The following PLCXD3 variants were observed in gnomAD, a reference collection of about 807,000 sequenced individuals.
The protein encoded by PLCXD3 is PI-PLC X domain-containing protein 3.
A neutral mutation model predicts 25.5 loss-of-function variants in PLCXD3; 19 were observed. The observed-to-expected ratio is 0.75, with a 90% CI of 0.52 to 1.09. The LOEUF is 1.09. Among genes scored for constraint, PLCXD3 ranks in the 50% least tolerant of loss-of-function variants. PLCXD3 has a pLI of 0.00. For synonymous variants in PLCXD3, 174 were observed against 137.6 expected (o/e 1.26, Z -1.85); for missense variants, 411 against 388.1 (o/e 1.06, Z -0.50).
intron 2 of PLCXD3, among the ~76,000 whole-genome samples, chr5:41,354,676 T>G (rs1449262323): frequency 6.6e-6 from 1 of 152,154 alleles, no homozygotes; most frequent in Non-Finnish European, 1.5e-5. Flanking sequence ...CCGTGCTCCT[T>G]TGGGGATGTT....
At chr5:41,410,379 G>T (rs1348889030) in intron 1 of PLCXD3, among the ~76,000 whole-genome samples, 1 of 151,714 alleles carries the variant, frequency 6.6e-6, no homozygotes, top group Non-Finnish European at 1.5e-5. Flanking sequence ...TCCTGACCTC[G>T]TGATCTGCCC....
intron 2 of PLCXD3, among the ~76,000 whole-genome samples, chr5:41,362,040 C>T (rs1196270528): frequency 2.0e-5 from 3 of 152,152 alleles, no homozygotes; most frequent in Non-Finnish European, 4.4e-5. Flanking sequence ...TTGGTTTTTG[C>T]TCTATCCCTG....
Position 41,408,029 on chromosome 5 carries a change from G to T in PLCXD3, c.104-25495C>A, listed in dbSNP as rs989773520. Among the ~76,000 whole-genome samples, 5 of 152,138 alleles carry T rather than the reference G, an allele frequency of 3.3e-5. No homozygotes were observed. In the East Asian group the frequency reaches 9.6e-4, roughly 29 times the overall value. On this transcript the variant is annotated intron_variant, in intron 1 of 2. Transcript: ENST00000377801. ...TATTCATCACAATTTTAATCAACTT[G>T]CTGGGTCATTTCTTTAAACCAGTAG...
At chr5:41,505,737 A>C (rs1176916743) in intron 1 of PLCXD3, among the ~76,000 whole-genome samples, 1 of 152,264 alleles carries the variant, frequency 6.6e-6, no homozygotes, top group Non-Finnish European at 1.5e-5. Context: ...TACATTTATC[A>C]CAGTGACCTA....
chr5:41,381,881 C>T lies in PLCXD3; in HGVS notation c.757G>A (p.Ala253Thr), dbSNP rs1224872437. 2 of 1,613,006 alleles carry T rather than the reference C, an allele frequency of 1.2e-6. No individual in the cohort carries two copies. Among genetic ancestry groups the T allele is most frequent in the South Asian group, 1.1e-5 (1 of 91,024 alleles). ...GCCACCCCTTTGACCACAGTGCTAG[C>T]TTTGGGGGTCAGCACCACCTGAGAT... Reference protein sequence around the residue: ...FISQVVLTPKASTVVKGVASG... With the variant: ...FISQVVLTPKTSTVVKGVASG... The change falls in exon 2 of 3, where the codon GCT becomes ACT. Residue 253 changes from alanine to threonine, a missense_variant. Physicochemically the swap from Ala to Thr is moderately conservative, Grantham distance 58. Coordinates refer to ENST00000377801, the MANE Select transcript of PLCXD3 (RefSeq NM_001005473.3).
intron 1 of PLCXD3, among the ~76,000 whole-genome samples, chr5:41,446,056 C>T (rs71625651): frequency 0.077 from 11,513 of 150,012 alleles, 556 homozygotes; most frequent in Non-Finnish European, 0.11. Flanking sequence ...GGCGTAGTGG[C>T]GGGCGCCTGT....
chr5:41,346,083 G>A (rs955036963), intron 2 of PLCXD3, among the ~76,000 whole-genome samples: 1 of 152,056 alleles, frequency 6.6e-6, no homozygotes, highest in African/African-American at 2.4e-5. Flanking sequence ...GTTTCACCAT[G>A]TTGGCGTGGC....
At chr5:41,339,295 T>A (rs1025998198) in intron 2 of PLCXD3, among the ~76,000 whole-genome samples, 2 of 152,042 alleles carry the variant, frequency 1.3e-5, no homozygotes, top group African/African-American at 2.4e-5. Context: ...AACTAAGGAA[T>A]GGGAGCAGAG....
intron 1 of PLCXD3, among the ~76,000 whole-genome samples, chr5:41,503,928 A>T (rs771643677): frequency 7.9e-5 from 12 of 152,134 alleles, no homozygotes; most frequent in Admixed American, 3.9e-4. Context: ...AATTTTCCAG[A>T]AAACACAGCT....
chr5:41,383,724 G>T (rs978726956), intron 1 of PLCXD3, among the ~76,000 whole-genome samples: 1 of 151,738 alleles, frequency 6.6e-6, no homozygotes, highest in South Asian at 2.1e-4. Context: ...CTTCCTTGAG[G>T]CATATCTTTT....
intron 2 of PLCXD3, among the ~76,000 whole-genome samples, chr5:41,336,045 C>G (rs1408239496): frequency 6.6e-6 from 1 of 152,098 alleles, no homozygotes; most frequent in Non-Finnish European, 1.5e-5. Context: ...TGGACTCCCT[C>G]CAATCGATTC....
At chr5:41,340,225 A>G (rs1744100533) in intron 2 of PLCXD3, among the ~76,000 whole-genome samples, 1 of 152,152 alleles carries the variant, frequency 6.6e-6, no homozygotes, top group African/African-American at 2.4e-5. Context: ...TTTTTATCAG[A>G]GCATTTTTCT....
intron 2 of PLCXD3, among the ~76,000 whole-genome samples, chr5:41,360,345 AT>A (rs1236642367): frequency 6.6e-6 from 1 of 151,876 alleles, no homozygotes; most frequent in Non-Finnish European, 1.5e-5. Context: ...CTTCTGAATT[AT>A]TTTTTCTGGC....
chr5:41,417,687 G>A (rs1746725329), intron 1 of PLCXD3, among the ~76,000 whole-genome samples: 1 of 152,200 alleles, frequency 6.6e-6, no homozygotes, highest in Non-Finnish European at 1.5e-5. Flanking sequence ...GATTAGGAGA[G>A]TGCTGCCATC....
intron 1 of PLCXD3, among the ~76,000 whole-genome samples, chr5:41,400,932 G>C (rs949421415): frequency 1.3e-5 from 2 of 151,910 alleles, no homozygotes. Context: ...CATTGCATGT[G>C]TGTATCAAAA....
At chr5:41,322,536 A>T (rs1743503505) in intron 2 of PLCXD3, among the ~76,000 whole-genome samples, 1 of 152,252 alleles carries the variant, frequency 6.6e-6, no homozygotes, top group African/African-American at 2.4e-5. Flanking sequence ...CTACCAAGTG[A>T]TCCAGCAATC....
At chr5:41,324,393 T>C (rs1357997172) in intron 2 of PLCXD3, among the ~76,000 whole-genome samples, 1 of 152,142 alleles carries the variant, frequency 6.6e-6, no homozygotes, top group Admixed American at 6.6e-5. Context: ...GCTAGTACCT[T>C]AAAAATCCTG....
At chr5:41,500,994 A>T (rs1387369761) in intron 1 of PLCXD3, among the ~76,000 whole-genome samples, 3 of 151,994 alleles carry the variant, frequency 2.0e-5, no homozygotes, top group Admixed American at 6.6e-5. Context: ...TGAAAATCAA[A>T]ACCACGGTAA....
chr5:41,471,286 G>C (rs1424094774), intron 1 of PLCXD3, among the ~76,000 whole-genome samples: 3 of 152,158 alleles, frequency 2.0e-5, no homozygotes, highest in Non-Finnish European at 4.4e-5. Context: ...AATTGCCAAT[G>C]CCACCTTTCC....
Sources: gnomAD v4.1 joint callset for allele counts (sites outside exome capture counted in the v4.1 genomes callset) on GRCh38, gnomAD v4.1.1 for gene constraint, MANE v1.5 for transcripts, NCBI Gene and HGNC (gene_info 2026-07-23, HGNC 2026-07-21) for gene names.